Variants in NEK1 observed in about 807,000 individuals in gnomAD.
NEK1 encodes the protein NIMA related kinase 1.
In NEK1, 137 loss-of-function variants were observed where a neutral mutation model predicts 182.1. The ratio of observed to expected loss-of-function variants is 0.75; its 90% CI spans 0.65 to 0.87. The LOEUF is 0.87. Ranked by LOEUF, NEK1 falls within the 40% of genes least tolerant of loss-of-function variation. The pLI is 0.00. For missense variants in NEK1, 1,391 were observed against 1,494.4 expected (o/e 0.93, Z 1.14); for synonymous variants, 513 against 492.2 (o/e 1.04, Z -0.56).
chr4:169,503,999 G>C (rs755555568), intron 23 of NEK1, among the ~76,000 whole-genome samples: 10 of 152,184 alleles, frequency 6.6e-5, no homozygotes, highest in Non-Finnish European at 5.9e-5. Context: ...TTAATAACCA[G>C]AATATATAAG....
rs958089242 is a variant in NEK1, at chr4:169,508,240, C to T, written c.1833+8G>A. On this transcript the variant is annotated splice_region_variant and intron_variant, in intron 21 of 35. Transcript: ENST00000507142. ...CAATTTCTTCAAAAAAATAGCTTTT[C>T]AACCTACCTTTTCACCACGAAGTTT... 3 of 1,578,390 alleles carry T rather than the reference C, an allele frequency of 1.9e-6. No homozygotes were observed. Among genetic ancestry groups the T allele is most frequent in the Non-Finnish European group, 2.6e-6 (3 of 1,163,990 alleles).
At chr4:169,571,195 T>TA (rs1561437462) in intron 12 of NEK1, among the ~76,000 whole-genome samples, 2 of 147,172 alleles carry the variant, frequency 1.4e-5, no homozygotes, top group African/African-American at 5.1e-5. Context: ...AATAAATAAA[T>TA]AAATAAATAA....
intron 12 of NEK1, among the ~76,000 whole-genome samples, chr4:169,568,809 TGCCTGTAATCCCAGCTACTCGGGA>T (rs1764138612): frequency 6.6e-6 from 1 of 151,854 alleles, no homozygotes; most frequent in South Asian, 2.1e-4. Context: ...TGGTGGCACA[TGCCTGTAATCCCAGCTACTCGGGA>T]GGCTGAGGCA....
chr4:169,557,307 T>A (rs571904235), intron 16 of NEK1, among the ~76,000 whole-genome samples: 1 of 151,518 alleles, frequency 6.6e-6, no homozygotes, highest in African/African-American at 2.4e-5. Flanking sequence ...CACCGAGACA[T>A]AAGAACTCAA....
intron 10 of NEK1, among the ~76,000 whole-genome samples, chr4:169,583,037 A>G (rs1434563636): frequency 3.3e-5 from 5 of 152,090 alleles, no homozygotes; most frequent in African/African-American, 9.7e-5. Flanking sequence ...CCTTGAGAGG[A>G]CTGAGGTATT....
At chr4:169,503,987 G>T (rs749103217) in intron 23 of NEK1, among the ~76,000 whole-genome samples, 24 of 152,112 alleles carry the variant, frequency 1.6e-4, no homozygotes, top group Non-Finnish European at 2.8e-4. Context: ...TCTGACAAGG[G>T]ATTAATAACC....
intron 31 of NEK1, among the ~76,000 whole-genome samples, chr4:169,411,108 G>T (rs1021835078): frequency 4.6e-5 from 7 of 152,156 alleles, no homozygotes; most frequent in African/African-American, 1.7e-4. Flanking sequence ...TCCTGCTACT[G>T]GAGCTTGATG....
At chr4:169,568,558 T>G (rs1467722311) in intron 12 of NEK1, among the ~76,000 whole-genome samples, 1 of 152,076 alleles carries the variant, frequency 6.6e-6, no homozygotes, top group Non-Finnish European at 1.5e-5. Context: ...AAAGTATATA[T>G]AACACTAAGT....
At chr4:169,569,107 GA>G (rs1415969158) in intron 12 of NEK1, among the ~76,000 whole-genome samples, 1 of 151,888 alleles carries the variant, frequency 6.6e-6, no homozygotes, top group Non-Finnish European at 1.5e-5. Context: ...ATACTTCACA[GA>G]AAAAAATTAC....
At chr4:169,409,480 C>T (rs1219152360) in intron 31 of NEK1, among the ~76,000 whole-genome samples, 1 of 149,362 alleles carries the variant, frequency 6.7e-6, no homozygotes, top group East Asian at 2.1e-4. Flanking sequence ...TATGGCCATT[C>T]TTGGCCGGGT....
intron 5 of NEK1, among the ~76,000 whole-genome samples, chr4:169,597,121 A>G (rs1237783755): frequency 6.6e-6 from 1 of 152,244 alleles, no homozygotes; most frequent in Non-Finnish European, 1.5e-5. Flanking sequence ...TAAATGAATG[A>G]AAATAAGCAC....
In NEK1 at chr4:169,422,473, G is replaced by A. The variant is rs978080043; in HGVS notation, c.3222+2080C>T. ...TGAGGAGGTGGGATCCAAAGCACAAGGGGAATTTCCTCAATCAAGAAAAAA... is the reference window on the plus strand; with the variant it reads ...TGAGGAGGTGGGATCCAAAGCACAAAGGGAATTTCCTCAATCAAGAAAAAA... On this transcript the variant is annotated intron_variant, in intron 31 of 35. Transcript: ENST00000507142. Among the ~76,000 whole-genome samples the A allele has an allele frequency of 3.3e-5, 5 of 152,080 alleles. No individual in the cohort carries two copies. In the East Asian group the frequency reaches 9.6e-4, roughly 29 times the overall value.
intron 5 of NEK1, among the ~76,000 whole-genome samples, chr4:169,592,940 G>T (rs1768789429): frequency 6.6e-6 from 1 of 152,064 alleles, no homozygotes; most frequent in East Asian, 1.9e-4. Flanking sequence ...GAGAGGTCAG[G>T]AAAAAGAAAG....
intron 27 of NEK1, among the ~76,000 whole-genome samples, chr4:169,451,247 G>A (rs534657172): frequency 6.6e-6 from 1 of 152,194 alleles, no homozygotes; most frequent in South Asian, 2.1e-4. Context: ...GGTTAACAAG[G>A]ATATCCAGGA....
chr4:169,394,587 C>A, intron 35 of NEK1, 64 bp from the exon 36 acceptor site: 1 of 1,016,482 alleles, frequency 9.8e-7, no homozygotes, highest in Non-Finnish European at 1.4e-6. Context: ...TAAAAAAAAC[C>A]CATTCTTGTT....
intron 29 of NEK1, among the ~76,000 whole-genome samples, chr4:169,431,057 T>C (rs1379754941): frequency 6.6e-6 from 1 of 152,052 alleles, no homozygotes; most frequent in Non-Finnish European, 1.5e-5. Flanking sequence ...CATACTTCTG[T>C]AAATTAACTA....
intron 18 of NEK1, among the ~76,000 whole-genome samples, chr4:169,542,910 G>A (rs1046725144): frequency 1.3e-4 from 20 of 152,108 alleles, no homozygotes; most frequent in Non-Finnish European, 2.8e-4. Context: ...TGAATAGATT[G>A]CAAAATTTTT....
At chr4:169,512,665 G>A (rs533639072) in intron 19 of NEK1, among the ~76,000 whole-genome samples, 3 of 151,908 alleles carry the variant, frequency 2.0e-5, no homozygotes, top group Non-Finnish European at 2.9e-5. Flanking sequence ...TTGGTGTCAA[G>A]TCTAATAACT....
intron 18 of NEK1, among the ~76,000 whole-genome samples, chr4:169,547,917 T>C (rs976908968): frequency 6.6e-6 from 1 of 152,196 alleles, no homozygotes; most frequent in Non-Finnish European, 1.5e-5. Flanking sequence ...GGTTAGAACA[T>C]GTTCCTTTAG....
Sources: gnomAD v4.1 joint callset for allele counts (sites outside exome capture counted in the v4.1 genomes callset) on GRCh38, gnomAD v4.1.1 for gene constraint, MANE v1.5 for transcripts, NCBI Gene and HGNC (gene_info 2026-07-23, HGNC 2026-07-21) for gene names.